Variants in CPM observed in about 807,000 individuals in gnomAD.
CPM encodes renal carboxypeptidase.
Under a neutral mutation model 46.4 loss-of-function variants are expected in CPM, and 35 were observed. That is an observed-to-expected ratio of 0.75 (90% CI 0.58 to 1.00). CPM has a LOEUF of 1.00. Among genes scored for constraint, CPM ranks in the 50% least tolerant of loss-of-function variants. The probability of loss-of-function intolerance (pLI) is 0.00; values close to 1 mark genes in which losing one functional copy is unlikely to be tolerated. For missense variants in CPM, 422 were observed against 530.4 expected (o/e 0.80, Z 2.01); for synonymous variants, 195 against 195.3 (o/e 1.00, Z 0.01).
At chr12:68,921,088 G>A (rs544142478) in intron 2 of CPM, among the ~76,000 whole-genome samples, 14 of 151,218 alleles carry the variant, frequency 9.3e-5, no homozygotes, top group African/African-American at 3.4e-4. Flanking sequence ...ACAGACCCTT[G>A]AATTATTCCT....
chr12:68,865,618 CCACA>C (rs144954850), intron 7 of CPM, among the ~76,000 whole-genome samples: 22 of 150,992 alleles, frequency 1.5e-4, no homozygotes, highest in African/African-American at 5.1e-4. Flanking sequence ...CCACACACAC[CCACA>C]CACACACACA....
chr12:68,935,058 TG>T (rs755099832), upstream of CPM, among the ~76,000 whole-genome samples: 17 of 152,046 alleles, frequency 1.1e-4, no homozygotes, highest in Non-Finnish European at 7.4e-5. Context: ...TACAGGCACC[TG>T]CCACCAGGCC....
In CPM at chr12:68,853,876, G is replaced by T. The variant is rs1169737994; in HGVS notation, c.*2561C>A. ...AGGAAGGAAGAAAGGAAAGAAATCT[G>T]CTCACCAGAGTTGCTATTTTTTTTT... is the stretch of plus-strand genomic sequence containing the variant. On this transcript the variant is annotated 3_prime_UTR_variant, in exon 9 of 9. Coordinates refer to ENST00000551568, the MANE Select transcript of CPM (RefSeq NM_198320.5). 6 of 151,952 alleles carry T rather than the reference G, an allele frequency of 3.9e-5. No individual in the cohort carries two copies. The highest frequency in any genetic ancestry group is 8.8e-5 in the Non-Finnish European group (6 of 67,976). The allele number at this position is 151,952 out of a possible 1,614,324, so 9.4% of individuals were successfully genotyped here.
At chr12:68,901,132 T>C (rs1887094584) in intron 2 of CPM, among the ~76,000 whole-genome samples, 7 of 152,200 alleles carry the variant, frequency 4.6e-5, no homozygotes. Flanking sequence ...TGGGTACTGG[T>C]TCTTGGGTTT....
At chr12:68,911,502 G>T (rs538763442) in intron 2 of CPM, among the ~76,000 whole-genome samples, 3 of 152,158 alleles carry the variant, frequency 2.0e-5, no homozygotes, top group Admixed American at 6.6e-5. Flanking sequence ...ACCTCATAGG[G>T]TGTTGTGTAG....
chr12:68,917,514 A>G (rs975773657), intron 2 of CPM, among the ~76,000 whole-genome samples: 1 of 152,246 alleles, frequency 6.6e-6, no homozygotes, highest in Non-Finnish European at 1.5e-5. Flanking sequence ...TGCATTCAAC[A>G]TTAACCATGA....
intron 1 of CPM, among the ~76,000 whole-genome samples, chr12:68,949,556 A>C (rs1460814807): frequency 6.6e-6 from 1 of 152,206 alleles, no homozygotes; most frequent in Non-Finnish European, 1.5e-5. Context: ...AGAAATGTGG[A>C]TAATTGATAG....
At chr12:68,883,118 G>A (rs1276116029) in intron 3 of CPM, among the ~76,000 whole-genome samples, 1 of 152,106 alleles carries the variant, frequency 6.6e-6, no homozygotes, top group Non-Finnish European at 1.5e-5. Flanking sequence ...GTTCCCTGCT[G>A]GGATTCTCCA....
At chr12:68,881,313 T>C (rs1886178919) in intron 3 of CPM, among the ~76,000 whole-genome samples, 1 of 152,250 alleles carries the variant, frequency 6.6e-6, no homozygotes, top group Non-Finnish European at 1.5e-5. Context: ...ATATGTGGCA[T>C]TCTACAGGGC....
upstream of CPM, among the ~76,000 whole-genome samples, chr12:68,936,978 A>G (rs776700981): frequency 2.6e-5 from 4 of 152,252 alleles, no homozygotes; most frequent in Non-Finnish European, 4.4e-5. Context: ...AAGAATTACA[A>G]GTTAAAAGGG....
chr12:68,904,666 G>A (rs745443956), intron 2 of CPM, among the ~76,000 whole-genome samples: 1 of 152,146 alleles, frequency 6.6e-6, no homozygotes, highest in Non-Finnish European at 1.5e-5. Context: ...TGAGGGTACT[G>A]TTCAAGCCAC....
intron 2 of CPM, among the ~76,000 whole-genome samples, chr12:68,893,747 G>T (rs924454671): frequency 1.3e-5 from 2 of 152,194 alleles, no homozygotes; most frequent in Admixed American, 1.3e-4. Flanking sequence ...TGCTGCACTG[G>T]AATTTCCCGT....
chr12:68,868,288 A>C (rs757547140), intron 6 of CPM, among the ~76,000 whole-genome samples: 2 of 152,144 alleles, frequency 1.3e-5, no homozygotes, highest in African/African-American at 4.8e-5. Flanking sequence ...CCTGTTGCCT[A>C]TCAGTTGTGG....
At chr12:68,906,412 C>T (rs143606097) in intron 2 of CPM, among the ~76,000 whole-genome samples, 2 of 152,218 alleles carry the variant, frequency 1.3e-5, no homozygotes, top group East Asian at 3.9e-4. Context: ...ACATAGAATA[C>T]TGTACATTGA....
chr12:68,851,052 TA>T (rs1434115494), downstream of CPM: 1 of 152,516 alleles, frequency 6.6e-6, no homozygotes, highest in African/African-American at 2.4e-5. Flanking sequence ...TATTGCCTCA[TA>T]AAAGGTCATT....
chr12:68,843,359 T>C (rs1271940443), intron 5 of CPM: 2 of 230,816 alleles, frequency 8.7e-6, no homozygotes, highest in Non-Finnish European at 1.7e-5. Context: ...TTGCTACAAA[T>C]AAATGATATT....
At chr12:68,899,051 G>A (rs1887006053) in intron 2 of CPM, among the ~76,000 whole-genome samples, 1 of 152,134 alleles carries the variant, frequency 6.6e-6, no homozygotes, top group African/African-American at 2.4e-5. Flanking sequence ...CATAACATAG[G>A]GATAGACTGC....
At chr12:68,865,883 G>A (rs1025775138) in intron 7 of CPM, among the ~76,000 whole-genome samples, 6 of 152,176 alleles carry the variant, frequency 3.9e-5, no homozygotes, top group African/African-American at 1.4e-4. Flanking sequence ...CGCTGGACCA[G>A]CAGCATCAGC....
chr12:68,904,555 C>T (rs1425829838), intron 2 of CPM, among the ~76,000 whole-genome samples: 1 of 152,214 alleles, frequency 6.6e-6, no homozygotes, highest in Non-Finnish European at 1.5e-5. Flanking sequence ...AAGGTTTTCA[C>T]ATTGCTCAAT....
Sources: allele counts gnomAD v4.1 joint callset (sites outside exome capture counted in the v4.1 genomes callset), GRCh38; gene constraint gnomAD v4.1.1; transcripts MANE v1.5; gene names NCBI Gene and HGNC (gene_info 2026-07-23, HGNC 2026-07-21).